Variants in XPR1 observed in about 807,000 individuals in gnomAD.
The protein encoded by XPR1 is solute carrier family 53 member 1.
In XPR1, 28 loss-of-function variants were observed where a neutral mutation model predicts 87.5. The ratio of observed to expected loss-of-function variants is 0.32; its 90% CI spans 0.24 to 0.44. The LOEUF is 0.44. XPR1 is among the 20% of genes least tolerant of loss of function. XPR1 has a pLI of 1.00. For synonymous variants in XPR1, 300 were observed against 306.1 expected, an observed-to-expected ratio of 0.98 and a Z score of 0.21; for missense variants, 559 against 862.3, an observed-to-expected ratio of 0.65 and a Z score of 4.41.
At chr1:180,723,183 A>G (rs181638559) in intron 2 of XPR1, among the ~76,000 whole-genome samples, 13 of 152,312 alleles carry the variant, frequency 8.5e-5, no homozygotes, top group African/African-American at 2.9e-4. Flanking sequence ...AAATTGGAGC[A>G]TTCATACATT....
At chr1:180,819,407 A>G (rs1159468495) in intron 7 of XPR1, among the ~76,000 whole-genome samples, 1 of 152,190 alleles carries the variant, frequency 6.6e-6, no homozygotes, top group Non-Finnish European at 1.5e-5. Context: ...CTTTTCTAAC[A>G]AATTGTGGAG....
At chr1:180,636,355 A>C (rs17373383) in intron 1 of XPR1, among the ~76,000 whole-genome samples, 8,203 of 152,302 alleles carry the variant, frequency 0.054, 325 homozygotes, top group Non-Finnish European at 0.079. Context: ...TAGTGTGTTT[A>C]AGATAACACT....
intron 2 of XPR1, among the ~76,000 whole-genome samples, chr1:180,776,372 AATT>A (rs1414238257): frequency 2.0e-5 from 3 of 152,016 alleles, no homozygotes; most frequent in Middle Eastern, 3.2e-3. Context: ...GTAGTTATTG[AATT>A]ATTATGGCAT....
intron 2 of XPR1, among the ~76,000 whole-genome samples, chr1:180,698,247 C>A (rs973677121): frequency 6.6e-6 from 1 of 152,038 alleles, no homozygotes; most frequent in Non-Finnish European, 1.5e-5. Flanking sequence ...GATAACAACT[C>A]CTGCTCACTT....
At chr1:180,841,395 C>T (rs1026395012) in intron 11 of XPR1, among the ~76,000 whole-genome samples, 16 of 151,096 alleles carry the variant, frequency 1.1e-4, no homozygotes, top group African/African-American at 3.9e-4. Flanking sequence ...CCAGACAAAG[C>T]GACATCTTTA....
Position 180,888,151 on chromosome 1 carries a change from T to A in XPR1, c.*4085T>A, listed in dbSNP as rs1292189475. On this transcript the variant is annotated 3_prime_UTR_variant, in exon 15 of 15. Transcript: ENST00000367590. ...TGCTGGGAAAGACCTGCCTTTATTT[T>A]CCTATCATCTTTTCCCCATTACTTT... The A allele has an allele frequency of 6.6e-6, 1 of 152,184 alleles. No individual in the cohort carries two copies. Among genetic ancestry groups the A allele is most frequent in the African/African-American group, 2.4e-5 (1 of 41,446 alleles). 9.4% of individuals were successfully genotyped at this position (152,184 alleles called of 1,614,324 possible). A position where few individuals can be genotyped will look rare whatever the true frequency, so the allele number is the denominator to read the frequency against.
chr1:180,819,765 C>T (rs906166568), intron 7 of XPR1, among the ~76,000 whole-genome samples: 6 of 152,104 alleles, frequency 3.9e-5, no homozygotes, highest in Admixed American at 1.3e-4. Flanking sequence ...TGCCTGTAAT[C>T]CTAGCACTTT....
rs993366354 is a variant in XPR1 at position 180,746,177 on chromosome 1, G to T, written c.122-41576G>T. 2.6e-5 allele frequency among the ~76,000 whole-genome samples: 4 copies of T among 152,126 alleles called. No individual in the cohort carries two copies. The East Asian group carries it at 7.7e-4, about 29-fold the overall frequency. On this transcript the variant is annotated intron_variant, in intron 2 of 14. Transcript: ENST00000367590. ...TGCATTGTATAGTGGTGAAGTTTCA[G>T]ATTTTAGTGTTTCCTCACTGAATGT... is the stretch of plus-strand genomic sequence containing the variant.
At chr1:180,656,363 A>T (rs181248088) in intron 1 of XPR1, among the ~76,000 whole-genome samples, 2,583 of 109,724 alleles carry the variant, frequency 0.024, 56 homozygotes, top group Non-Finnish European at 0.037. Context: ...ATTTATATAT[A>T]TAATATTTAT....
intron 2 of XPR1, among the ~76,000 whole-genome samples, chr1:180,695,870 C>T (rs957231449): frequency 5.9e-5 from 9 of 151,972 alleles, no homozygotes; most frequent in Admixed American, 1.3e-4. Flanking sequence ...AGTGTGATGC[C>T]TTCAGCTCTG....
chr1:180,779,918 C>T (rs1447775525), intron 2 of XPR1, among the ~76,000 whole-genome samples: 3 of 151,992 alleles, frequency 2.0e-5, no homozygotes, highest in African/African-American at 4.8e-5. Context: ...TAAATGGATT[C>T]GTACAACATG....
At chr1:180,680,357 CTTTT>C (rs369905770) in intron 1 of XPR1, among the ~76,000 whole-genome samples, 2 of 83,380 alleles carry the variant, frequency 2.4e-5, no homozygotes, top group Admixed American at 1.9e-4. Context: ...CAAATAGAAC[CTTTT>C]TTTTTTTTTT....
At chr1:180,632,827 G>T (rs1401106377) in intron 1 of XPR1, among the ~76,000 whole-genome samples, 2 of 152,186 alleles carry the variant, frequency 1.3e-5, no homozygotes, top group African/African-American at 4.8e-5. Flanking sequence ...TTTGTAACGG[G>T]GTTGAAACTT....
chr1:180,857,918 T>C (rs1029715376), intron 11 of XPR1, among the ~76,000 whole-genome samples: 5 of 152,148 alleles, frequency 3.3e-5, no homozygotes, highest in Non-Finnish European at 7.4e-5. Context: ...CTATTTTTAT[T>C]ATAAAAACAA....
intron 2 of XPR1, among the ~76,000 whole-genome samples, chr1:180,742,976 C>T (rs72723008): frequency 3.9e-5 from 6 of 152,008 alleles, no homozygotes; most frequent in Admixed American, 6.5e-5. Context: ...CATGGTGTAT[C>T]TTTTTCCATC....
chr1:180,809,150 G>T (rs1487066712), intron 6 of XPR1, among the ~76,000 whole-genome samples: 1 of 151,392 alleles, frequency 6.6e-6, no homozygotes, highest in Admixed American at 6.6e-5. Context: ...AGAGAAAGCA[G>T]AAAAAAAAGG....
At chr1:180,678,147 G>T (rs564857585) in intron 1 of XPR1, among the ~76,000 whole-genome samples, 1 of 152,350 alleles carries the variant, frequency 6.6e-6, no homozygotes, top group African/African-American at 2.4e-5. Context: ...CACAGAGCCT[G>T]CACATTCATG....
intron 2 of XPR1, among the ~76,000 whole-genome samples, chr1:180,779,779 G>A (rs999955514): frequency 1.3e-5 from 2 of 152,002 alleles, no homozygotes; most frequent in Admixed American, 1.3e-4. Flanking sequence ...ACAAGTTTGT[G>A]CAGCCATCAC....
At chr1:180,731,123 T>C (rs1658543129) in intron 2 of XPR1, among the ~76,000 whole-genome samples, 1 of 152,274 alleles carries the variant, frequency 6.6e-6, no homozygotes, top group South Asian at 2.1e-4. Context: ...TAGTGCCTAG[T>C]TTAGAATTAT....
Sources: allele counts gnomAD v4.1 joint callset (sites outside exome capture counted in the v4.1 genomes callset), GRCh38; gene constraint gnomAD v4.1.1; transcripts MANE v1.5; gene names NCBI Gene and HGNC (gene_info 2026-07-23, HGNC 2026-07-21).